Variants in HECTD2 observed in about 807,000 individuals in gnomAD.
HECTD2 encodes the protein HECT domain E3 ubiquitin protein ligase 2.
A neutral mutation model predicts 103.2 loss-of-function variants in HECTD2; 35 were observed. That is an observed-to-expected ratio of 0.34 (90% CI 0.26 to 0.45). HECTD2 has a LOEUF of 0.45. Among genes scored for constraint, HECTD2 ranks in the 20% least tolerant of loss-of-function variants. The pLI is 1.00. For missense variants in HECTD2, 596 were observed against 937.4 expected (o/e 0.64, Z 4.76); for synonymous variants, 281 against 329.9 (o/e 0.85, Z 1.61).
In HECTD2 at chr10:91,514,765, C is replaced by A. The variant is rs942450261; in HGVS notation, c.*2381C>A. The A allele has an allele frequency of 6.6e-6, 1 of 152,400 alleles. No individual in the cohort carries two copies. The highest frequency in any genetic ancestry group is 1.5e-5 in the Non-Finnish European group (1 of 67,994). 9.4% of individuals were successfully genotyped at this position (152,400 alleles called of 1,614,324 possible). On this transcript the variant is annotated 3_prime_UTR_variant, in exon 21 of 21. Coordinates refer to ENST00000298068, the MANE Select transcript of HECTD2 (RefSeq NM_182765.6). ...TATTAAAATTATACAGTCAGTCAGG[C>A]TTCAGTTTATTTTTTGAACACTTGG...
chr10:91,461,114 A>G (rs12775728), intron 3 of HECTD2, 140 bp from the exon 4 acceptor site: 11,747 of 461,454 alleles, frequency 0.025, 216 homozygotes, highest in Non-Finnish European at 0.032. Context: ...TTATAAATCC[A>G]TAAACTATAT....
At chr10:91,431,566 G>C (rs934463145) in intron 2 of HECTD2, among the ~76,000 whole-genome samples, 2 of 152,042 alleles carry the variant, frequency 1.3e-5, no homozygotes, top group Admixed American at 6.6e-5. Flanking sequence ...TTTCTTGGAG[G>C]CTTTGTTCAT....
At chr10:91,481,072 A>G (rs1846071706) in intron 6 of HECTD2, 22 bp from the exon 7 acceptor site, 4 of 1,340,332 alleles carry the variant, frequency 3.0e-6, no homozygotes, top group South Asian at 2.6e-5. Flanking sequence ...TCCATAATAA[A>G]TTATTCTTGT....
intron 2 of HECTD2, among the ~76,000 whole-genome samples, chr10:91,435,215 T>TGTCC (rs1844064941): frequency 6.6e-6 from 1 of 151,968 alleles, no homozygotes; most frequent in Non-Finnish European, 1.5e-5. Flanking sequence ...AGAGGTTAAC[T>TGTCC]ATTGTTCCCT....
Sources: allele counts gnomAD v4.1 joint callset (sites outside exome capture counted in the v4.1 genomes callset), GRCh38; gene constraint gnomAD v4.1.1; transcripts MANE v1.5; gene names NCBI Gene and HGNC (gene_info 2026-07-23, HGNC 2026-07-21).